The following SETD3 variants were observed in gnomAD, a reference collection of about 807,000 sequenced individuals.
The protein encoded by SETD3 is actin-histidine N-methyltransferase.
A neutral mutation model predicts 63.0 loss-of-function variants in SETD3; 19 were observed. That is an observed-to-expected ratio of 0.30 (90% CI 0.21 to 0.44). The LOEUF is 0.44. Among genes scored for constraint, SETD3 ranks in the 20% least tolerant of loss-of-function variants. The pLI is 1.00. For missense variants in SETD3, 587 were observed against 728.5 expected (o/e 0.81, Z 2.24); for synonymous variants, 286 against 264.1 (o/e 1.08, Z -0.80).
In SETD3 at chr14:99,423,083, C is replaced by T. The variant is rs1249733273; in HGVS notation, c.676-9149G>A. ...AAAGGTACCAATCAAAGAGAAAATCCGCAACACTGTCCCTGGGTTGTTCTA... is the reference window on the plus strand; with the variant it reads ...AAAGGTACCAATCAAAGAGAAAATCTGCAACACTGTCCCTGGGTTGTTCTA... On this transcript the variant is annotated intron_variant, in intron 6 of 12. Transcript: ENST00000331768. 2.6e-5 allele frequency among the ~76,000 whole-genome samples: 4 copies of T among 152,130 alleles called. 1 individual carries two copies. The highest frequency in any genetic ancestry group is 3.2e-3 in the Middle Eastern group (1 of 316).
chr14:99,423,015 T>C (rs1456734331), intron 6 of SETD3, among the ~76,000 whole-genome samples: 2 of 152,184 alleles, frequency 1.3e-5, no homozygotes, highest in Non-Finnish European at 2.9e-5. Context: ...CAGTTATTCA[T>C]ATTCCCTCCT....
chr14:99,480,675 CG>C (rs1163634349), intron 1 of SETD3, 52 bp downstream of exon 1: 1 of 150,544 alleles, frequency 6.6e-6, no homozygotes, highest in Non-Finnish European at 1.5e-5. Flanking sequence ...GGAGACGCGG[CG>C]CGAGTTTCCC....
intron 6 of SETD3, among the ~76,000 whole-genome samples, chr14:99,433,143 T>C (rs940515203): frequency 1.3e-5 from 2 of 152,146 alleles, no homozygotes; most frequent in Non-Finnish European, 2.9e-5. Flanking sequence ...GAGTTAATAC[T>C]TAACAGTCAC....
intron 11 of SETD3, 82 bp from the exon 12 acceptor site, chr14:99,400,341 T>C (rs1477396569): frequency 9.7e-6 from 14 of 1,440,800 alleles, no homozygotes; most frequent in South Asian, 5.2e-5. Context: ...TTAGAAAATA[T>C]TGTTTCCAAC....
chr14:99,439,352 C>T (rs148851598), intron 6 of SETD3, among the ~76,000 whole-genome samples: 1 of 152,354 alleles, frequency 6.6e-6, no homozygotes, highest in East Asian at 1.9e-4. Flanking sequence ...TCAGGTATCA[C>T]CTGACTGCCC....
rs1344004339 is a variant in SETD3, at chr14:99,480,758, A to T, written c.-39T>A. On this transcript the variant is annotated 5_prime_UTR_variant, in exon 1 of 13. Transcript: ENST00000331768. ...CGCTTCCCCTAGCGCAGCGGGAACG[A>T]CGTACTCCGGCCCGGACCCCGCCGT... is the stretch of plus-strand genomic sequence containing the variant. 1 of 152,252 alleles carries T rather than the reference A, an allele frequency of 6.6e-6. No homozygotes were observed. The highest frequency in any genetic ancestry group is 6.6e-5 in the Admixed American group (1 of 15,154). The allele number at this position is 152,252 out of a possible 1,614,324, so 9.4% of individuals were successfully genotyped here.
At chr14:99,411,057 T>C (rs945864479) in intron 8 of SETD3, among the ~76,000 whole-genome samples, 2 of 152,240 alleles carry the variant, frequency 1.3e-5, no homozygotes, top group African/African-American at 2.4e-5. Flanking sequence ...TGTTAAAAAA[T>C]AGAATTTCTT....
intron 6 of SETD3, among the ~76,000 whole-genome samples, chr14:99,443,255 A>AATTTT (rs1566713829): frequency 9.2e-6 from 1 of 108,800 alleles, no homozygotes. Flanking sequence ...CTGAACTCCC[A>AATTTT]TTTTTTTTTT....
At position 99,458,276 on chromosome 14, in the gene SETD3, C is replaced by T. The variant is rs750557870; in HGVS notation, c.675+3G>A. The T allele has an allele frequency of 3.7e-6, 6 of 1,609,196 alleles. No individual in the cohort carries two copies. The Admixed American group carries it at 8.4e-5, about 22-fold the overall frequency. On this transcript the variant is annotated splice_donor_region_variant and intron_variant, in intron 6 of 12. Coordinates refer to ENST00000331768, the MANE Select transcript of SETD3 (RefSeq NM_032233.3). ...TATACTTAAATTGCAAACAGCTGCTCACCTGGATGACTTTATAGAAGTAGG... is the reference window on the plus strand; with the variant it reads ...TATACTTAAATTGCAAACAGCTGCTTACCTGGATGACTTTATAGAAGTAGG...
At chr14:99,400,937 T>G (rs879607766) in intron 11 of SETD3, among the ~76,000 whole-genome samples, 1 of 152,108 alleles carries the variant, frequency 6.6e-6, no homozygotes, top group Non-Finnish European at 1.5e-5. Flanking sequence ...CCCAGGCGTT[T>G]GAGACCAACC....
chr14:99,480,348 G>A (rs1405859029), intron 1 of SETD3, among the ~76,000 whole-genome samples: 1 of 152,052 alleles, frequency 6.6e-6, no homozygotes. Flanking sequence ...GAGGGCCGGG[G>A]ACAGCGGGGC....
rs544050329 is a variant in SETD3 at position 99,432,977 on chromosome 14, G to A, written c.676-19043C>T. ...AAATAAAACTGATAAATTAGACTTTGTTAAAATTAAGAACTTCATCAAATA... is the reference window on the plus strand; with the variant it reads ...AAATAAAACTGATAAATTAGACTTTATTAAAATTAAGAACTTCATCAAATA... On this transcript the variant is annotated intron_variant, in intron 6 of 12. Transcript: ENST00000331768. 8.5e-5 allele frequency among the ~76,000 whole-genome samples: 13 copies of A among 152,270 alleles called. No individual in the cohort carries two copies. In the South Asian group the frequency reaches 2.5e-3, roughly 29 times the overall value.
At chr14:99,413,817 A>T in intron 7 of SETD3, 59 bp downstream of exon 7, 2 of 1,522,604 alleles carry the variant, frequency 1.3e-6, no homozygotes, top group Non-Finnish European at 1.8e-6. Flanking sequence ...CCCTTCCAGG[A>T]TCCCACTTCA....
rs1412811672 is a variant in SETD3 at position 99,431,772 on chromosome 14, T to C, written c.676-17838A>G. Reference sequence around the variant, plus strand: ...TCCCAAAGTGCTGGGATTACAGTAGTAGGGATTTTAAAACAAGACCCTAGC... The same window carrying C: ...TCCCAAAGTGCTGGGATTACAGTAGCAGGGATTTTAAAACAAGACCCTAGC... On this transcript the variant is annotated intron_variant, in intron 6 of 12. Transcript: ENST00000331768. Among the ~76,000 whole-genome samples, 5 of 152,272 alleles carry C rather than the reference T, an allele frequency of 3.3e-5. No homozygotes were observed. The East Asian group carries it at 9.7e-4, about 29-fold the overall frequency.
intron 8 of SETD3, among the ~76,000 whole-genome samples, chr14:99,409,240 T>C (rs1891845470): frequency 6.6e-6 from 1 of 151,918 alleles, no homozygotes; most frequent in African/African-American, 2.4e-5. Context: ...ACTTGGAAAA[T>C]GGCATGAAAA....
chr14:99,410,723 T>C (rs989469566), intron 8 of SETD3, among the ~76,000 whole-genome samples: 1 of 152,256 alleles, frequency 6.6e-6, no homozygotes, highest in Non-Finnish European at 1.5e-5. Context: ...CCAGAATCTC[T>C]AGCCTAGGTG....
chr14:99,398,860 G>A lies in SETD3; in HGVS notation c.1604C>T (p.Ala535Val). 3 of 1,614,198 alleles carry A rather than the reference G, an allele frequency of 1.9e-6. No individual in the cohort carries two copies. The highest frequency in any genetic ancestry group is 2.2e-5 in the East Asian group (1 of 44,880). Residue 535 changes from alanine (A) to valine (V), a missense_variant, in exon 13 of 13, where the codon GCC becomes GTC. Ala to Val is a moderately conservative substitution (Grantham distance 64). Transcript: ENST00000331768. ...GCTGATTGCCTCTCTGATGTTCAAG[G>A]CATCCTGCACTCCAGCCTCCTCCTC... The part of the protein sequence containing the change: ...NLEEEAGVQD[A>V]LNIREAISKA...
chr14:99,436,385 G>A (rs1354246478), intron 6 of SETD3, among the ~76,000 whole-genome samples: 1 of 152,106 alleles, frequency 6.6e-6, no homozygotes, highest in Non-Finnish European at 1.5e-5. Flanking sequence ...TCCAGAAACA[G>A]GGTCTTCTGC....
Position 99,472,144 on chromosome 14 carries a change from G to A in SETD3, c.-8-6331C>T, listed in dbSNP as rs539660270. 9.8e-5 allele frequency among the ~76,000 whole-genome samples: 15 copies of A among 152,300 alleles called. No homozygotes were observed. In the South Asian group the frequency reaches 3.1e-3, roughly 32 times the overall value. ...GCTGTTGCAGAAGACAACAAAATTG[G>A]ACAAAACCAGGCCTGCAGTTCCCAA... On this transcript the variant is annotated intron_variant, in intron 1 of 12. Transcript: ENST00000331768.
Sources: gnomAD v4.1 joint callset for allele counts (sites outside exome capture counted in the v4.1 genomes callset) on GRCh38, gnomAD v4.1.1 for gene constraint, MANE v1.5 for transcripts, NCBI Gene and HGNC (gene_info 2026-07-23, HGNC 2026-07-21) for gene names.